Variants in NRXN3 observed in about 807,000 individuals in gnomAD.
NRXN3 encodes the protein neurexin 3, also known as neurexin III.
Under a neutral mutation model 137.6 loss-of-function variants are expected in NRXN3, and 32 were observed. That is an observed-to-expected ratio of 0.23 (90% CI 0.18 to 0.31). The LOEUF is 0.31. Ranked by LOEUF, NRXN3 falls within the 10% of genes least tolerant of loss-of-function variation. The pLI is 1.00. For missense variants in NRXN3, 1,574 were observed against 2,062.5 expected (o/e 0.76, Z 4.59); for synonymous variants, 798 against 784.5 (o/e 1.02, Z -0.29).
chr14:78,909,580 T>C (rs1337632569), intron 10 of NRXN3, among the ~76,000 whole-genome samples: 1 of 152,168 alleles, frequency 6.6e-6, no homozygotes, highest in Non-Finnish European at 1.5e-5. Flanking sequence ...CACCTTGCCA[T>C]CCTGATTTGA....
chr14:79,393,566 A>C (rs958899194), intron 15 of NRXN3, among the ~76,000 whole-genome samples: 2 of 152,172 alleles, frequency 1.3e-5, no homozygotes, highest in Non-Finnish European at 2.9e-5. Flanking sequence ...CAAAAGTTAT[A>C]CACTTTGGGA....
intron 10 of NRXN3, among the ~76,000 whole-genome samples, chr14:78,880,849 T>A (rs553921496): frequency 1.3e-5 from 2 of 152,170 alleles, no homozygotes; most frequent in Non-Finnish European, 2.9e-5. Context: ...TTAATATTGA[T>A]AAAACCATTT....
chr14:78,550,523 T>A lies in NRXN3; in HGVS notation c.758-94597T>A, dbSNP rs113643491. ...ATGATAATTGTGTTTTAAAAGAAAA[T>A]CTGAGGGATAGTAAAAACAAAAAAA... On this transcript the variant is annotated intron_variant, in intron 4 of 20. Coordinates refer to ENST00000335750, the MANE Select transcript of NRXN3 (RefSeq NM_001330195.2). Among the ~76,000 whole-genome samples, 49 of 117,670 alleles carry A rather than the reference T, an allele frequency of 4.2e-4. 1 individual carries two copies. The highest frequency in any genetic ancestry group is 1.4e-3 in the African/African-American group (46 of 32,366). 77.2% of individuals were successfully genotyped at this position (117,670 alleles called of 152,430 possible). A position where few individuals can be genotyped will look rare whatever the true frequency, so the allele number is the denominator to read the frequency against.
At chr14:79,508,524 G>A (rs896035742) in intron 16 of NRXN3, among the ~76,000 whole-genome samples, 1 of 150,724 alleles carries the variant, frequency 6.6e-6, no homozygotes, top group African/African-American at 2.4e-5. Flanking sequence ...CAAGTAACTG[G>A]GATTACAGGT....
chr14:78,294,852 G>A (rs1279214665), intron 3 of NRXN3, among the ~76,000 whole-genome samples: 4 of 152,094 alleles, frequency 2.6e-5, no homozygotes, highest in Non-Finnish European at 2.9e-5. Context: ...GCATACCTTC[G>A]CAGCTAGACT....
At chr14:79,007,664 G>A (rs1483113242) in intron 15 of NRXN3, among the ~76,000 whole-genome samples, 1 of 151,692 alleles carries the variant, frequency 6.6e-6, no homozygotes, top group East Asian at 1.9e-4. Context: ...AAATTAGCCA[G>A]GTGTGGTGGT....
chr14:78,877,595 A>G (rs746655987), intron 10 of NRXN3, among the ~76,000 whole-genome samples: 7 of 152,228 alleles, frequency 4.6e-5, no homozygotes, highest in Non-Finnish European at 8.8e-5. Context: ...ATAACACAGT[A>G]TCTTGCCTGT....
intron 15 of NRXN3, among the ~76,000 whole-genome samples, chr14:79,011,368 C>CCACCA (rs1422709574): frequency 1.6e-5 from 1 of 61,868 alleles, no homozygotes; most frequent in African/African-American, 1.1e-4. Flanking sequence ...TTTCCCCGCC[C>CCACCA]CCCCACCTCC....
intron 1 of NRXN3, among the ~76,000 whole-genome samples, chr14:78,234,107 A>T (rs1322630159): frequency 6.6e-6 from 1 of 152,170 alleles, no homozygotes; most frequent in African/African-American, 2.4e-5. Flanking sequence ...TGCCTGCCCC[A>T]ATGTAAGATG....
At chr14:79,336,910 G>A (rs1043991990) in intron 15 of NRXN3, among the ~76,000 whole-genome samples, 1 of 152,116 alleles carries the variant, frequency 6.6e-6, no homozygotes, top group African/African-American at 2.4e-5. Flanking sequence ...TACACCCTGA[G>A]TATAAATGTT....
At chr14:79,166,157 C>G (rs543683665) in intron 15 of NRXN3, among the ~76,000 whole-genome samples, 61 of 152,008 alleles carry the variant, frequency 4.0e-4, no homozygotes, top group Non-Finnish European at 7.5e-4. Context: ...TAATGTATAG[C>G]TGGAAATAAT....
intron 15 of NRXN3, among the ~76,000 whole-genome samples, chr14:79,066,310 C>T (rs2099680688): frequency 6.6e-6 from 1 of 151,898 alleles, no homozygotes; most frequent in African/African-American, 2.4e-5. Context: ...GGTGTGCGGT[C>T]TTATGTCTGA....
intron 19 of NRXN3, among the ~76,000 whole-genome samples, chr14:79,710,083 T>A (rs2098797465): frequency 6.6e-6 from 1 of 152,190 alleles, no homozygotes; most frequent in African/African-American, 2.4e-5. Context: ...TTGTTTGTTT[T>A]ATTGTTGCTG....
intron 15 of NRXN3, among the ~76,000 whole-genome samples, chr14:79,198,066 C>T (rs1262175007): frequency 6.6e-6 from 1 of 152,078 alleles, no homozygotes; most frequent in Non-Finnish European, 1.5e-5. Flanking sequence ...TAATTCAGTC[C>T]CAGTCCCATC....
intron 4 of NRXN3, among the ~76,000 whole-genome samples, chr14:78,464,796 T>G (rs781416279): frequency 2.6e-4 from 40 of 152,204 alleles, no homozygotes; most frequent in Admixed American, 1.8e-3. Flanking sequence ...TTTATAAAAT[T>G]TAGACAGTAG....
intron 16 of NRXN3, among the ~76,000 whole-genome samples, chr14:79,496,403 T>C (rs2096768414): frequency 6.6e-6 from 1 of 152,114 alleles, no homozygotes. Flanking sequence ...TCCCCCTGGA[T>C]ACTATCCAGG....
At chr14:78,529,163 A>G (rs2096424528) in intron 4 of NRXN3, among the ~76,000 whole-genome samples, 2 of 152,234 alleles carry the variant, frequency 1.3e-5, no homozygotes, top group South Asian at 4.1e-4. Context: ...AAAAAAGTGT[A>G]GCGTCCTTAA....
chr14:79,428,870 G>A (rs1231743933), intron 15 of NRXN3, among the ~76,000 whole-genome samples: 1 of 152,160 alleles, frequency 6.6e-6, no homozygotes, highest in Non-Finnish European at 1.5e-5. Context: ...AAGGATGGGG[G>A]AATAGGAGTG....
At chr14:78,934,193 AGCACTGAACTTCTG>A (rs1448283422) in intron 10 of NRXN3, among the ~76,000 whole-genome samples, 2 of 151,896 alleles carry the variant, frequency 1.3e-5, no homozygotes, top group African/African-American at 4.8e-5. Flanking sequence ...CCAAAACCAA[AGCACTGAACTTCTG>A]GCTCTAGAAT....
Sources: gnomAD v4.1 joint callset for allele counts (sites outside exome capture counted in the v4.1 genomes callset) on GRCh38, gnomAD v4.1.1 for gene constraint, MANE v1.5 for transcripts, NCBI Gene and HGNC (gene_info 2026-07-23, HGNC 2026-07-21) for gene names.